SHQ1: variants seen among roughly 807,000 people sequenced by gnomAD.
SHQ1 encodes the protein SHQ1, H/ACA ribonucleoprotein assembly factor.
In SHQ1, 49 loss-of-function variants were observed where a neutral mutation model predicts 53.8. The ratio of observed to expected loss-of-function variants is 0.91; its 90% CI spans 0.72 to 1.16. SHQ1 has a LOEUF of 1.16. Ranked by LOEUF, SHQ1 falls within the 50% of genes most tolerant of loss-of-function variation. SHQ1 has a pLI of 0.00. For missense variants in SHQ1, 738 were observed against 683.1 expected (o/e 1.08, Z -0.90); for synonymous variants, 243 against 251.0 (o/e 0.97, Z 0.30).
rs184503594 is a variant in SHQ1 at position 72,749,996 on chromosome 3, G to C, written c.*288C>G. The C allele has an allele frequency of 6.4e-5, 24 of 375,816 alleles. 1 individual carries two copies. In the Admixed American group the frequency reaches 8.8e-4, roughly 14 times the overall value. The allele number at this position is 375,816 out of a possible 1,614,324, so 23.3% of individuals were successfully genotyped here. A position where few individuals can be genotyped will look rare whatever the true frequency, so the allele number is the denominator to read the frequency against. The stretch of plus-strand genomic sequence containing the variant: ...TCCTGCACAGTTTAAATCATCACTA[G>C]ATTACTTATATTACCCAATACAATG... On this transcript the variant is annotated 3_prime_UTR_variant, in exon 11 of 11. Coordinates refer to ENST00000325599, the MANE Select transcript of SHQ1 (RefSeq NM_018130.3).
intron 9 of SHQ1, among the ~76,000 whole-genome samples, chr3:72,796,233 C>A (rs1706617284): frequency 6.6e-6 from 1 of 151,036 alleles, no homozygotes; most frequent in Non-Finnish European, 1.5e-5. Flanking sequence ...AGAAATCAGA[C>A]ACTAACAAGG....
Position 72,813,465 on chromosome 3 carries a change from CA to C in SHQ1, c.937-672del, listed in dbSNP as rs938471344. 7.9e-3 allele frequency among the ~76,000 whole-genome samples: 488 copies of C among 61,432 alleles called. 1 individual carries two copies. Among genetic ancestry groups the C allele is most frequent in the African/African-American group, 0.022 (345 of 15,924 alleles). 40.3% of individuals were successfully genotyped at this position (61,432 alleles called of 152,430 possible). On this transcript the variant is annotated intron_variant, in intron 8 of 10. Transcript: ENST00000325599. Reference sequence around the variant, plus strand: ...TGGACAATAGAGTGAGACTCCATCTCAAAAAAAAAAAAAAAAAAGGCCGGGT... The same window carrying C: ...TGGACAATAGAGTGAGACTCCATCTCAAAAAAAAAAAAAAAAAGGCCGGGT...
chr3:72,765,311 G>A (rs958410080), intron 10 of SHQ1, among the ~76,000 whole-genome samples: 1 of 151,736 alleles, frequency 6.6e-6, no homozygotes, highest in African/African-American at 2.4e-5. Context: ...GCCACCACTT[G>A]CCTGTCTCCT....
intron 10 of SHQ1, among the ~76,000 whole-genome samples, chr3:72,771,816 A>G (rs1462617924): frequency 6.6e-6 from 1 of 152,272 alleles, no homozygotes; most frequent in Non-Finnish European, 1.5e-5. Context: ...ATTTGAAAAG[A>G]GAACTTACTC....
chr3:72,772,108 G>A (rs1705866125), intron 10 of SHQ1, among the ~76,000 whole-genome samples: 1 of 152,042 alleles, frequency 6.6e-6, no homozygotes, highest in Admixed American at 6.6e-5. Context: ...CAAGAGGAGT[G>A]ATGTCAGTGT....
At chr3:72,779,262 C>T (rs1189418410) in intron 10 of SHQ1, among the ~76,000 whole-genome samples, 1 of 152,090 alleles carries the variant, frequency 6.6e-6, no homozygotes, top group Non-Finnish European at 1.5e-5. Context: ...ATATAAAATT[C>T]CCTCCTCCTG....
chr3:72,744,446 T>C (rs1006138337), downstream of SHQ1, among the ~76,000 whole-genome samples: 2 of 152,204 alleles, frequency 1.3e-5, no homozygotes, highest in Admixed American at 1.3e-4. Flanking sequence ...CTCTAACTTA[T>C]CTTTTCATGA....
Position 72,848,418 on chromosome 3 carries a change from C to T in SHQ1, c.-78G>A. On this transcript the variant is annotated 5_prime_UTR_variant, in exon 1 of 11. Coordinates refer to ENST00000325599, the MANE Select transcript of SHQ1 (RefSeq NM_018130.3). ...CCCGCCACGCAAACTCTCCAACTCCCCACGCGCAGGAACTCTCGGTGTGAG... is the reference window on the plus strand; with the variant it reads ...CCCGCCACGCAAACTCTCCAACTCCTCACGCGCAGGAACTCTCGGTGTGAG... 6.3e-7 allele frequency: 1 copy of T among 1,576,550 alleles called. No individual in the cohort carries two copies. The highest frequency in any genetic ancestry group is 2.3e-5 in the East Asian group (1 of 43,984).
the SHQ1 span, among the ~76,000 whole-genome samples, chr3:72,743,162 T>C: frequency 6.6e-6 from 1 of 152,202 alleles, no homozygotes; most frequent in African/African-American, 2.4e-5. Flanking sequence ...TTTAATTTTG[T>C]AGAAATCAAT....
At chr3:72,738,178 C>T in the SHQ1 span, among the ~76,000 whole-genome samples, 1 of 152,198 alleles carries the variant, frequency 6.6e-6, no homozygotes, top group Non-Finnish European at 1.5e-5. Flanking sequence ...GTGACCCCTA[C>T]TCACTGAGTC....
the SHQ1 span, among the ~76,000 whole-genome samples, chr3:72,740,288 C>T: frequency 3.2e-3 from 486 of 152,302 alleles, 2 homozygotes; most frequent in African/African-American, 0.011. Context: ...GCTGGGGAGG[C>T]TGGGACACAG....
At chr3:72,733,118 G>A in the SHQ1 span, among the ~76,000 whole-genome samples, 9 of 151,540 alleles carry the variant, frequency 5.9e-5, no homozygotes, top group Admixed American at 2.6e-4. Flanking sequence ...TACACTCAAC[G>A]GGCATCTCTA....
chr3:72,806,642 G>A (rs1706955742), intron 9 of SHQ1, among the ~76,000 whole-genome samples: 1 of 152,150 alleles, frequency 6.6e-6, no homozygotes, highest in Admixed American at 6.5e-5. Context: ...GCATCAGATA[G>A]CATATCGATT....
At chr3:72,786,171 A>T (rs917030794) in intron 10 of SHQ1, among the ~76,000 whole-genome samples, 5 of 151,938 alleles carry the variant, frequency 3.3e-5, no homozygotes, top group African/African-American at 7.3e-5. Flanking sequence ...CTCCTTCCCC[A>T]TTCTCACTCA....
intron 10 of SHQ1, 29 bp from the exon 11 acceptor site, chr3:72,750,865 GAATT>G (rs1336058550): frequency 2.1e-5 from 31 of 1,473,886 alleles, no homozygotes; most frequent in Non-Finnish European, 2.7e-5. Flanking sequence ...AGAAAGATTA[GAATT>G]ATTTATTAAT....
At chr3:72,758,870 G>A (rs1251139143) in intron 10 of SHQ1, among the ~76,000 whole-genome samples, 1 of 152,096 alleles carries the variant, frequency 6.6e-6, no homozygotes, top group East Asian at 1.9e-4. Flanking sequence ...CCTGGCCAAG[G>A]CTACTATTAA....
chr3:72,779,362 C>A (rs146597463), intron 10 of SHQ1, among the ~76,000 whole-genome samples: 128 of 152,316 alleles, frequency 8.4e-4, no homozygotes, highest in Non-Finnish European at 1.5e-3. Context: ...CTTCAGTACT[C>A]AAACCAAACA....
At chr3:72,756,246 TTATAG>T (rs1705495936) in intron 10 of SHQ1, among the ~76,000 whole-genome samples, 1 of 152,090 alleles carries the variant, frequency 6.6e-6, no homozygotes, top group Non-Finnish European at 1.5e-5. Flanking sequence ...GAGTTACTAG[TTATAG>T]TATATGTTTT....
the SHQ1 span, among the ~76,000 whole-genome samples, chr3:72,741,584 C>CA: frequency 6.1e-4 from 85 of 140,368 alleles, no homozygotes; most frequent in East Asian, 4.4e-3. Context: ...GACTCTGTCT[C>CA]AAATAAAAAA....
Sources: gnomAD v4.1 joint callset for allele counts (sites outside exome capture counted in the v4.1 genomes callset) on GRCh38, gnomAD v4.1.1 for gene constraint, MANE v1.5 for transcripts, NCBI Gene and HGNC (gene_info 2026-07-23, HGNC 2026-07-21) for gene names.